The following ALK variants were observed in gnomAD, a reference collection of about 807,000 sequenced individuals.
ALK encodes ALK receptor tyrosine kinase.
Under a neutral mutation model 163.1 loss-of-function variants are expected in ALK, and 74 were observed. That is an observed-to-expected ratio of 0.45 (90% confidence interval 0.38 to 0.55). The LOEUF is 0.55. Among genes scored for constraint, ALK ranks in the 20% least tolerant of loss-of-function variants. The pLI, the probability that ALK is intolerant of heterozygous loss-of-function variation, is 0.00. For synonymous variants in ALK, 960 were observed against 843.2 expected, an observed-to-expected ratio of 1.14 and a Z score of -2.40; for missense variants, 2,063 against 2,105.3, an observed-to-expected ratio of 0.98 and a Z score of 0.39.
intron 3 of ALK, among the ~76,000 whole-genome samples, chr2:29,599,759 GAA>G (rs1393359589): frequency 6.6e-6 from 1 of 152,214 alleles, no homozygotes; most frequent in Non-Finnish European, 1.5e-5. Flanking sequence ...TTGAAAGCAA[GAA>G]AGAGACATCT....
At chr2:29,425,856 G>A (rs1375259905) in intron 4 of ALK, among the ~76,000 whole-genome samples, 1 of 152,188 alleles carries the variant, frequency 6.6e-6, no homozygotes, top group African/African-American at 2.4e-5. Flanking sequence ...AGAGGAGACT[G>A]GCAGTTTCAT....
intron 3 of ALK, among the ~76,000 whole-genome samples, chr2:29,643,311 T>A (rs1419733458): frequency 6.6e-6 from 1 of 152,176 alleles, no homozygotes; most frequent in Non-Finnish European, 1.5e-5. Context: ...GGTTACCACA[T>A]ATAGTGTGTG....
chr2:29,432,793 G>T (rs560771496), intron 4 of ALK, among the ~76,000 whole-genome samples: 1 of 149,696 alleles, frequency 6.7e-6, no homozygotes, highest in East Asian at 2.0e-4. Context: ...GATCTGGAGT[G>T]ATTCATCTAA....
chr2:29,903,045 T>C (rs998705909), intron 1 of ALK, among the ~76,000 whole-genome samples: 3 of 152,212 alleles, frequency 2.0e-5, no homozygotes, highest in Admixed American at 6.5e-5. Flanking sequence ...CTGATGATGG[T>C]GTCAAGTCTT....
intron 19 of ALK, chr2:29,223,917 G>C (rs1185423849): frequency 8.1e-6 from 3 of 370,228 alleles, no homozygotes; most frequent in South Asian, 3.4e-5. Context: ...CCAGCAGACT[G>C]TGTTGCAAGT....
intron 4 of ALK, among the ~76,000 whole-genome samples, chr2:29,481,658 C>T (rs916484090): frequency 6.6e-6 from 1 of 152,122 alleles, no homozygotes; most frequent in Admixed American, 6.6e-5. Flanking sequence ...AAAGTCTTTT[C>T]AGTTTTAATG....
At chr2:29,276,244 T>C (rs1558649233) in intron 9 of ALK, among the ~76,000 whole-genome samples, 1 of 152,160 alleles carries the variant, frequency 6.6e-6, no homozygotes, top group Non-Finnish European at 1.5e-5. Flanking sequence ...CTGGAAGTGT[T>C]GTAACCAACA....
chr2:29,193,040 A>C lies in ALK; in HGVS notation c.*184T>G, dbSNP rs1419865355. ...TATTTTCTTCTTTCGAAAGAATAGG[A>C]TGAACCCATGCTCAAAACCTTTCTA... On this transcript the variant is annotated 3_prime_UTR_variant, in exon 29 of 29. Coordinates refer to ENST00000389048, the MANE Select transcript of ALK (RefSeq NM_004304.5). 1.5e-6 allele frequency: 1 copy of C among 666,718 alleles called. No individual in the cohort carries two copies. Among genetic ancestry groups the C allele is most frequent in the African/African-American group, 1.8e-5 (1 of 55,468 alleles). The allele number at this position is 666,718 out of a possible 1,614,324, so 41.3% of individuals were successfully genotyped here.
intron 1 of ALK, among the ~76,000 whole-genome samples, chr2:29,718,170 T>C (rs1335524615): frequency 6.6e-6 from 1 of 152,208 alleles, no homozygotes; most frequent in Non-Finnish European, 1.5e-5. Flanking sequence ...TCTGAAGTTA[T>C]GAGTTCTTAA....
chr2:29,699,065 T>C (rs1166038055), intron 2 of ALK, among the ~76,000 whole-genome samples: 1 of 152,232 alleles, frequency 6.6e-6, no homozygotes, highest in Non-Finnish European at 1.5e-5. Flanking sequence ...AGTGTGCTTC[T>C]TGAATCTCTC....
At chr2:29,783,261 T>G (rs1403959027) in intron 1 of ALK, among the ~76,000 whole-genome samples, 1 of 152,232 alleles carries the variant, frequency 6.6e-6, no homozygotes, top group Admixed American at 6.5e-5. Context: ...GCTTCGATGC[T>G]ATTCTCTTGG....
chr2:29,369,429 C>G (rs1668590396), intron 5 of ALK, among the ~76,000 whole-genome samples: 1 of 152,052 alleles, frequency 6.6e-6, no homozygotes, highest in South Asian at 2.1e-4. Flanking sequence ...AGGATCTTTG[C>G]TTAGAGTAAG....
intron 5 of ALK, among the ~76,000 whole-genome samples, chr2:29,372,471 G>A (rs533631121): frequency 2.0e-4 from 30 of 152,166 alleles, no homozygotes; most frequent in Non-Finnish European, 3.7e-4. Flanking sequence ...AAGGCCACTG[G>A]GCCAACAATA....
intron 20 of ALK, 145 bp from the exon 21 acceptor site, chr2:29,222,752 C>T (rs1351948122): frequency 1.2e-5 from 8 of 690,440 alleles, no homozygotes; most frequent in African/African-American, 1.8e-5. Flanking sequence ...ATACCCTCAA[C>T]ATGGCTTTGC....
At chr2:29,431,279 A>G (rs1232117577) in intron 4 of ALK, among the ~76,000 whole-genome samples, 4 of 152,154 alleles carry the variant, frequency 2.6e-5, no homozygotes, top group Non-Finnish European at 5.9e-5. Context: ...TGTATCTCCC[A>G]AGAGTCATTA....
intron 1 of ALK, among the ~76,000 whole-genome samples, chr2:29,838,422 A>G (rs531974311): frequency 1.3e-5 from 2 of 152,296 alleles, no homozygotes; most frequent in East Asian, 3.9e-4. Context: ...AGGGCACATC[A>G]TAATCAAATT....
At chr2:29,833,448 C>T (rs1194119669) in intron 1 of ALK, among the ~76,000 whole-genome samples, 1 of 152,210 alleles carries the variant, frequency 6.6e-6, no homozygotes, top group Non-Finnish European at 1.5e-5. Flanking sequence ...TGTGAATTTT[C>T]ACTAGTTGGG....
At chr2:29,865,949 G>T (rs146309373) in intron 1 of ALK, among the ~76,000 whole-genome samples, 1 of 152,170 alleles carries the variant, frequency 6.6e-6, no homozygotes. Context: ...CTGGGAGCAA[G>T]GGTCTCTGGG....
intron 5 of ALK, among the ~76,000 whole-genome samples, chr2:29,377,334 G>T (rs1207211728): frequency 6.6e-6 from 1 of 152,104 alleles, no homozygotes; most frequent in Non-Finnish European, 1.5e-5. Flanking sequence ...AATTAGCCAG[G>T]CGTGGTGGCT....
Sources: gnomAD v4.1 joint callset for allele counts (sites outside exome capture counted in the v4.1 genomes callset) on GRCh38, gnomAD v4.1.1 for gene constraint, MANE v1.5 for transcripts, NCBI Gene and HGNC (gene_info 2026-07-23, HGNC 2026-07-21) for gene names.